Variants in PKHD1L1 observed in about 807,000 individuals in gnomAD.
The protein encoded by PKHD1L1 is fibrocystin-L.
Under a neutral mutation model 462.9 loss-of-function variants are expected in PKHD1L1, and 434 were observed. The observed-to-expected ratio is 0.94, with a 90% CI of 0.87 to 1.02. PKHD1L1 has a LOEUF of 1.02. Ranked by LOEUF, PKHD1L1 falls within the 50% of genes least tolerant of loss-of-function variation. The pLI is 0.00. For synonymous variants in PKHD1L1, 1,781 were observed against 1,750.0 expected, an observed-to-expected ratio of 1.02 and a Z score of -0.44; for missense variants, 5,202 against 5,096.1, an observed-to-expected ratio of 1.02 and a Z score of -0.63.
At position 109,535,164 on chromosome 8, in the gene PKHD1L1, A is replaced by G. The variant is rs1000162800; in HGVS notation, c.*5074A>G. Among the ~76,000 whole-genome samples, 3 of 152,166 alleles carry G rather than the reference A, an allele frequency of 2.0e-5. No homozygotes were observed. The highest frequency in any genetic ancestry group is 4.8e-5 in the African/African-American group (2 of 41,442). On this transcript the variant is annotated 3_prime_UTR_variant, in exon 78 of 78. Coordinates refer to ENST00000378402, the MANE Select transcript of PKHD1L1 (RefSeq NM_177531.6). ...ATTCACACCCAGTTATAGACTGAGTAATTATAGTTGCTATGGTAATGGGCT... is the reference window on the plus strand; with the variant it reads ...ATTCACACCCAGTTATAGACTGAGTGATTATAGTTGCTATGGTAATGGGCT...
At chr8:109,384,027 A>T in intron 4 of PKHD1L1, 43 bp from the exon 5 acceptor site, 2 of 1,331,988 alleles carry the variant, frequency 1.5e-6, no homozygotes. Context: ...AACTAGAAAC[A>T]AAACAGAGAT....
intron 3 of PKHD1L1, 79 bp from the exon 4 acceptor site, chr8:109,382,384 G>A: frequency 8.7e-7 from 1 of 1,153,504 alleles, no homozygotes; most frequent in Non-Finnish European, 1.2e-6. Flanking sequence ...CTGCAGTCTG[G>A]GGCAGTATTT....
chr8:109,436,692 A>T lies in PKHD1L1; in HGVS notation c.3627+233A>T, dbSNP rs371003739. The stretch of plus-strand genomic sequence containing the variant: ...AATCATGAAGAAAAGAGACACATAA[A>T]CTAATATTAAACAATGTATTTCATT... On this transcript the variant is annotated intron_variant, in intron 30 of 77. Transcript: ENST00000378402. Among the ~76,000 whole-genome samples, 4 of 152,332 alleles carry T rather than the reference A, an allele frequency of 2.6e-5. No individual in the cohort carries two copies. The South Asian group carries it at 8.3e-4, about 32-fold the overall frequency.
chr8:109,478,865 G>A (rs1818130179), intron 53 of PKHD1L1, among the ~76,000 whole-genome samples: 1 of 152,074 alleles, frequency 6.6e-6, no homozygotes, highest in South Asian at 2.1e-4. Context: ...TAATTGGATT[G>A]ATTAATTTGT....
chr8:109,442,091 C>T lies in PKHD1L1; in HGVS notation c.4289C>T (p.Pro1430Leu), dbSNP rs186176277. 5.4e-3 allele frequency: 8,652 copies of T among 1,613,332 alleles called. 31 individuals carry two copies. Among genetic ancestry groups the T allele is most frequent in the Non-Finnish European group, 6.6e-3 (7,753 of 1,179,522 alleles). The change falls in exon 35 of 78, where the codon CCG becomes CTG. Residue 1430 changes from proline to leucine, a missense_variant. Pro to Leu is a moderately conservative substitution (Grantham distance 98, BLOSUM62 -3). This residue lies in a region of PKHD1L1 where 4,497 missense variants were observed against 4,336.8 expected (regional missense o/e 1.04). Coordinates refer to ENST00000378402, the MANE Select transcript of PKHD1L1 (RefSeq NM_177531.6). ...GTGGCATGGCATTGGCAAACACATC[C>T]GTTTCTTAGAGGGATAGGATATAGG... Reference protein sequence around the residue: ...DTVAWHWQTHPFLRGIGYRIF... With the variant: ...DTVAWHWQTHLFLRGIGYRIF...
chr8:109,401,289 G>A (rs1813259598), intron 13 of PKHD1L1, among the ~76,000 whole-genome samples: 1 of 151,196 alleles, frequency 6.6e-6, no homozygotes, highest in Non-Finnish European at 1.5e-5. Context: ...GTTAGTGAAT[G>A]GTAGAAGGAA....
At position 109,445,537 on chromosome 8, in the gene PKHD1L1, G is replaced by A; in HGVS notation, c.5668G>A (p.Gly1890Arg). 1 of 1,613,200 alleles carries A rather than the reference G, an allele frequency of 6.2e-7. No homozygotes were observed. Among genetic ancestry groups the A allele is most frequent in the Non-Finnish European group, 8.5e-7 (1 of 1,179,566 alleles). ...CTGCCGCACTCCCGCTGGGACCACT[G>A]GAATGGTCGATGTTAAAATCTTTGT... ...VYCRTPAGTT[G>R]MVDVKIFVNT... Residue 1890 changes from glycine (G) to arginine (R), a missense_variant, in exon 38 of 78, where the codon GGA becomes AGA. Physicochemically the swap from Gly to Arg is moderately radical, Grantham distance 125 (BLOSUM62 -2). This residue lies in a region of PKHD1L1 where 4,497 missense variants were observed against 4,336.8 expected (regional missense o/e 1.04). Coordinates refer to ENST00000378402, the MANE Select transcript of PKHD1L1 (RefSeq NM_177531.6).
rs916041918 is a variant in PKHD1L1, at chr8:109,533,169, T to C, written c.*3079T>C. On this transcript the variant is annotated 3_prime_UTR_variant, in exon 78 of 78. Coordinates refer to ENST00000378402, the MANE Select transcript of PKHD1L1 (RefSeq NM_177531.6). ...GTGCTTCATTGGGAAGAGTTTTTAA[T>C]CCAAATTCCTGTTCAAATTCTTGGT... Among the ~76,000 whole-genome samples the C allele has an allele frequency of 3.9e-5, 6 of 152,246 alleles. No homozygotes were observed. The highest frequency in any genetic ancestry group is 3.2e-3 in the Middle Eastern group (1 of 316).
At position 109,531,661 on chromosome 8, in the gene PKHD1L1, G is replaced by A. The variant is rs1180107482; in HGVS notation, c.*1571G>A. Among the ~76,000 whole-genome samples the A allele has an allele frequency of 2.0e-5, 3 of 152,180 alleles. No individual in the cohort carries two copies. The East Asian group carries it at 5.8e-4, about 29-fold the overall frequency. The stretch of plus-strand genomic sequence containing the variant: ...CAAATGAACAGCTGGAATGGAAATA[G>A]TCACAATTTTAAGGGAATTGCAGGT... On this transcript the variant is annotated 3_prime_UTR_variant, in exon 78 of 78. Transcript: ENST00000378402.
chr8:109,508,072 A>G (rs1819786730), intron 69 of PKHD1L1, 25 bp from the exon 70 acceptor site: 1 of 1,563,270 alleles, frequency 6.4e-7, no homozygotes, highest in African/African-American at 1.4e-5. Context: ...TATTATTGCT[A>G]AAATATATAT....
At chr8:109,462,282 A>G (rs1355362618) in intron 48 of PKHD1L1, among the ~76,000 whole-genome samples, 2 of 152,088 alleles carry the variant, frequency 1.3e-5, no homozygotes, top group Admixed American at 1.3e-4. Context: ...TCCACACTTC[A>G]GTCAAAGTAA....
chr8:109,445,798 T>A (rs184308515), intron 38 of PKHD1L1, among the ~76,000 whole-genome samples, 153 bp downstream of exon 38: 21 of 152,242 alleles, frequency 1.4e-4, no homozygotes, highest in Admixed American at 3.9e-4. Flanking sequence ...CTGTGTAGTC[T>A]CTATTGTATG....
chr8:109,496,287 T>C (rs1367061189), intron 63 of PKHD1L1, among the ~76,000 whole-genome samples: 1 of 152,172 alleles, frequency 6.6e-6, no homozygotes, highest in African/African-American at 2.4e-5. Flanking sequence ...GGAATTTTAA[T>C]TGTAATGTAA....
chr8:109,484,491 A>G (rs543734669), intron 57 of PKHD1L1, among the ~76,000 whole-genome samples: 9 of 152,082 alleles, frequency 5.9e-5, no homozygotes, highest in African/African-American at 2.2e-4. Flanking sequence ...AGAGACTGCC[A>G]TGGCAAAGAG....
At chr8:109,367,165 T>C (rs1215623114) in intron 2 of PKHD1L1, among the ~76,000 whole-genome samples, 2 of 152,230 alleles carry the variant, frequency 1.3e-5, no homozygotes, top group African/African-American at 2.4e-5. Context: ...GAATGATATC[T>C]ACAAAATGAT....
At chr8:109,383,762 G>A (rs1021648163) in intron 4 of PKHD1L1, among the ~76,000 whole-genome samples, 2 of 151,796 alleles carry the variant, frequency 1.3e-5, no homozygotes, top group Non-Finnish European at 2.9e-5. Flanking sequence ...TCAAACTGCA[G>A]TTTTTGTATT....
At chr8:109,380,471 C>T (rs1281637573) in intron 2 of PKHD1L1, among the ~76,000 whole-genome samples, 2 of 152,170 alleles carry the variant, frequency 1.3e-5, no homozygotes. Context: ...TGAGTTCTAA[C>T]ACCATGTCTT....
chr8:109,487,730 T>C (rs1469725500), intron 59 of PKHD1L1, among the ~76,000 whole-genome samples: 3 of 151,730 alleles, frequency 2.0e-5, no homozygotes, highest in Non-Finnish European at 1.5e-5. Flanking sequence ...AGTCAAGAAT[T>C]ATGCCAGACA....
rs374206571 is a variant in PKHD1L1, at chr8:109,444,992, C to T, written c.5123C>T (p.Thr1708Met). 48 of 1,613,792 alleles carry T rather than the reference C, an allele frequency of 3.0e-5. No individual in the cohort carries two copies. The highest frequency in any genetic ancestry group is 1.3e-4 in the African/African-American group (10 of 74,894). Residue 1708 changes from threonine to methionine, a missense_variant, in exon 38 of 78, where the codon ACG (threonine) becomes ATG (methionine). Thr to Met is a moderately conservative substitution (Grantham distance 81). Around this residue, in one of 3 missense-constraint regions of PKHD1L1, gnomAD observed 4,497 missense variants for 4,336.8 expected, o/e 1.04. Transcript: ENST00000378402. ...FPCKVLSVNY[T>M]AIECETSPAA... ...TGTAAAGTTCTATCAGTGAATTATA[C>T]GGCCATTGAATGTGAAACATCCCCT...
Sources: gnomAD v4.1 joint callset for allele counts (sites outside exome capture counted in the v4.1 genomes callset) on GRCh38, gnomAD v4.1.1 for gene constraint, gnomAD v4.1.1 regional missense constraint, MANE v1.5 for transcripts, NCBI Gene and HGNC (gene_info 2026-07-23, HGNC 2026-07-21) for gene names.